COL6A2: variants seen among roughly 807,000 people sequenced by gnomAD.
The protein encoded by COL6A2 is collagen alpha-2(VI) chain.
In COL6A2, 90 loss-of-function variants were observed where a neutral mutation model predicts 124.9. That is an observed-to-expected ratio of 0.72 (90% CI 0.61 to 0.86). COL6A2 has a LOEUF of 0.86. Among genes scored for constraint, COL6A2 ranks in the 40% least tolerant of loss-of-function variants. COL6A2 has a pLI of 0.00. For synonymous variants in COL6A2, 793 were observed against 618.2 expected (o/e 1.28, Z -4.19); for missense variants, 1,607 against 1,502.5 (o/e 1.07, Z -1.15).
chr21:46,117,294 C>T (rs1244238056), intron 10 of COL6A2, 106 bp from the exon 11 acceptor site: 23 of 1,135,384 alleles, frequency 2.0e-5, no homozygotes, highest in African/African-American at 6.1e-5. Flanking sequence ...AGGAGGAGAG[C>T]GCTGCAGCCC....
At chr21:46,125,189 C>T in intron 23 of COL6A2, 77 bp from the exon 24 acceptor site, 1 of 1,394,832 alleles carries the variant, frequency 7.2e-7, no homozygotes. Context: ...TGTCCCGGGA[C>T]CCCCAGGCCA....
In COL6A2 at chr21:46,132,559, C is replaced by A. The variant is rs370469693; in HGVS notation, c.*7C>A. ...CATCCGCTGGATCTGCTAGCGCCGCCGCCCGGGCCCCGCAGTCGAGGGTCG... is the reference window on the plus strand; with the variant it reads ...CATCCGCTGGATCTGCTAGCGCCGCAGCCCGGGCCCCGCAGTCGAGGGTCG... On this transcript the variant is annotated 3_prime_UTR_variant, in exon 28 of 28. Transcript: ENST00000300527. 3 of 1,588,494 alleles carry A rather than the reference C, an allele frequency of 1.9e-6. No individual in the cohort carries two copies. The highest frequency in any genetic ancestry group is 1.3e-5 in the African/African-American group (1 of 74,580).
rs558165334 is a variant in COL6A2, at chr21:46,123,939, TGATGGGTG to T, written c.1672-707_1672-700del. ...GATAGAGGATGGATGGTTGGGTAGG[TGATGGGTG>T]GATGAGTGGATAGATGGGTATGTGA... On this transcript the variant is annotated intron_variant, in intron 21 of 27. Transcript: ENST00000300527. Among the ~76,000 whole-genome samples the T allele has an allele frequency of 2.6e-3, 362 of 141,270 alleles. 2 individuals are homozygous for T. The highest frequency in any genetic ancestry group is 9.2e-3 in the African/African-American group (343 of 37,232). The allele number at this position is 141,270 out of a possible 152,430, so 92.7% of individuals were successfully genotyped here.
chr21:46,118,739 G>A, intron 13 of COL6A2, 63 bp downstream of exon 13: 1 of 1,536,548 alleles, frequency 6.5e-7, no homozygotes, highest in East Asian at 2.3e-5. Context: ...TGGCCCAGAT[G>A]AACAGTCACG....
At position 46,116,951 on chromosome 21, in the gene COL6A2, A is replaced by ACACACACACC; in HGVS notation, c.999+142_999+143insACACCCACAC. The ACACACACACC allele has an allele frequency of 1.2e-6, 1 of 830,916 alleles. No individual in the cohort carries two copies. The highest frequency in any genetic ancestry group is 1.7e-5 in the African/African-American group (1 of 57,712). The allele number at this position is 830,916 out of a possible 1,614,324, so 51.5% of individuals were successfully genotyped here. On this transcript the variant is annotated intron_variant, in intron 10 of 27. Coordinates refer to ENST00000300527, the MANE Select transcript of COL6A2 (RefSeq NM_001849.4). This position sits in a 1 kb window ranked among gnomAD's most constrained non-coding sequence, Gnocchi z 4.6. ...TACACACACACACACACACACACAC[A>ACACACACACC]CACACGAACTTCAGCTCCTGCCACA...
chr21:46,119,442 C>T (rs1287538124), intron 14 of COL6A2, among the ~76,000 whole-genome samples: 2 of 152,180 alleles, frequency 1.3e-5, no homozygotes, highest in Non-Finnish European at 2.9e-5. Flanking sequence ...ATGGGGCCTG[C>T]CTGGGAGTGA....
chr21:46,127,074 AGCTGGGG>A (rs144575606), intron 27 of COL6A2, among the ~76,000 whole-genome samples: 112 of 152,210 alleles, frequency 7.4e-4, no homozygotes, highest in African/African-American at 2.6e-3. Context: ...GTGAAGCTGG[AGCTGGGG>A]GTGCCGTCCA....
chr21:46,129,632 G>A (rs2078732840), intron 27 of COL6A2: 2 of 1,428,080 alleles, frequency 1.4e-6, no homozygotes, highest in South Asian at 1.5e-5. Flanking sequence ...AGGGGCTCTG[G>A]GGCAGCTCCC....
rs753877868 is a variant in COL6A2, at chr21:46,124,666, C to T, written c.1687C>T (p.Pro563Ser). ...TCCTTCTCAGGCGGATCCTGGTCCC[C>T]CTGGTGAGCCAGGCCCTCGGGGGCC... ...EKGEPADPGP[P>S]GEPGPRGPRG... is the part of the protein sequence containing the mutation. Residue 563 changes from proline to serine, a missense_variant, in exon 22 of 28, where the codon CCT (proline) becomes TCT (serine). Pro to Ser is a moderately conservative substitution (Grantham distance 74, BLOSUM62 -1). Coordinates refer to ENST00000300527, the MANE Select transcript of COL6A2 (RefSeq NM_001849.4). 1.9e-6 allele frequency: 3 copies of T among 1,612,946 alleles called. No homozygotes were observed. The highest frequency in any genetic ancestry group is 2.5e-6 in the Non-Finnish European group (3 of 1,179,928).
intron 27 of COL6A2, among the ~76,000 whole-genome samples, chr21:46,130,252 C>T (rs538165218): frequency 4.9e-4 from 74 of 152,338 alleles, no homozygotes; most frequent in Admixed American, 2.9e-3. Flanking sequence ...TCTGGGTCTC[C>T]AAAAGCACAG....
At chr21:46,131,294 C>T (rs2078756946) in intron 27 of COL6A2, among the ~76,000 whole-genome samples, 1 of 152,238 alleles carries the variant, frequency 6.6e-6, no homozygotes, top group African/African-American at 2.4e-5. Context: ...GGCCAGGCCC[C>T]CAAGCTGTCC....
chr21:46,119,189 G>C, intron 14 of COL6A2, 70 bp downstream of exon 14: 3 of 1,202,972 alleles, frequency 2.5e-6, no homozygotes, highest in Non-Finnish European at 3.6e-6. Flanking sequence ...GGAGGACCAT[G>C]GGGGAAGGGC....
At chr21:46,106,162 G>T (rs1283545174) in intron 1 of COL6A2, among the ~76,000 whole-genome samples, 2 of 152,280 alleles carry the variant, frequency 1.3e-5, no homozygotes, top group East Asian at 3.9e-4. Flanking sequence ...TTAATAAAAG[G>T]CTCAATACAG....
chr21:46,119,751 C>G, intron 14 of COL6A2, 37 bp from the exon 15 acceptor site: 1 of 1,543,076 alleles, frequency 6.5e-7, no homozygotes, highest in Non-Finnish European at 8.8e-7. Context: ...GGCTTGGACT[C>G]AGCCCCCTCC....
In COL6A2 at chr21:46,116,950, CACACACG is replaced by C; in HGVS notation, c.999+138_999+144del. ...ATACACACACACACACACACACACA[CACACACG>C]AACTTCAGCTCCTGCCACATCCCAC... On this transcript the variant is annotated intron_variant, in intron 10 of 27. Coordinates refer to ENST00000300527, the MANE Select transcript of COL6A2 (RefSeq NM_001849.4). The surrounding 1 kb of genome is among the most constrained non-coding windows in gnomAD (Gnocchi z 4.6). 1 of 837,230 alleles carries C rather than the reference CACACACG, an allele frequency of 1.2e-6. No individual in the cohort carries two copies. The highest frequency in any genetic ancestry group is 2.7e-5 in the East Asian group (1 of 37,544). The allele number at this position is 837,230 out of a possible 1,614,324, so 51.9% of individuals were successfully genotyped here. A position where few individuals can be genotyped will look rare whatever the true frequency, so the allele number is the denominator to read the frequency against.
intron 27 of COL6A2, chr21:46,129,575 G>A (rs1323687088): frequency 5.5e-6 from 8 of 1,455,674 alleles, no homozygotes; most frequent in East Asian, 4.8e-5. Flanking sequence ...GGCTCTCAGT[G>A]GAGGCCAGAG....
At chr21:46,113,736 A>G in intron 4 of COL6A2, 4 of 538,700 alleles carry the variant, frequency 7.4e-6, no homozygotes, top group Middle Eastern at 1.0e-3. Flanking sequence ...CTTCCCTTCT[A>G]TTTTCTGTCA....
Position 46,118,605 on chromosome 21 carries a change from C to A in COL6A2, c.1117-9C>A. The A allele has an allele frequency of 1.2e-6, 2 of 1,612,440 alleles. No individual in the cohort carries two copies. Among genetic ancestry groups the A allele is most frequent in the Non-Finnish European group, 8.5e-7 (1 of 1,179,836 alleles). On this transcript the variant is annotated splice_polypyrimidine_tract_variant and intron_variant, in intron 12 of 27. Transcript: ENST00000300527. ...AAAGACGTGAGGCTGATTCTGCAAA[C>A]CCTTCCAGGGGGACCCTGGCCGCCC... is the stretch of plus-strand genomic sequence containing the variant.
At position 46,116,871 on chromosome 21, in the gene COL6A2, T is replaced by G; in HGVS notation, c.999+57T>G. 6.3e-7 allele frequency: 1 copy of G among 1,589,314 alleles called. No homozygotes were observed. Among genetic ancestry groups the G allele is most frequent in the Non-Finnish European group, 8.6e-7 (1 of 1,159,262 alleles). On this transcript the variant is annotated intron_variant, in intron 10 of 27. Transcript: ENST00000300527. The surrounding 1 kb of genome is among the most constrained non-coding windows in gnomAD (Gnocchi z 4.6). ...GGTCTCACAGAGGCATCCCAGCCTC[T>G]GCAGGGCCCCCAGATCCAGCCTGAT...
Sources: gnomAD v4.1 joint callset for allele counts (sites outside exome capture counted in the v4.1 genomes callset) on GRCh38, gnomAD v4.1.1 for gene constraint, Gnocchi (gnomAD v3.1) non-coding constraint, MANE v1.5 for transcripts, NCBI Gene and HGNC (gene_info 2026-07-23, HGNC 2026-07-21) for gene names.